GALNT16: variants seen among roughly 807,000 people sequenced by gnomAD.
GALNT16 encodes the protein polypeptide N-acetylgalactosaminyltransferase 16.
A neutral mutation model predicts 76.1 loss-of-function variants in GALNT16; 40 were observed. That is an observed-to-expected ratio of 0.53 (90% CI 0.41 to 0.68). The LOEUF is 0.68. Ranked by LOEUF, GALNT16 falls within the 30% of genes least tolerant of loss-of-function variation. GALNT16 has a pLI of 0.00. For missense variants in GALNT16, 621 were observed against 731.9 expected, an observed-to-expected ratio of 0.85 and a Z score of 1.75; for synonymous variants, 276 against 285.2, an observed-to-expected ratio of 0.97 and a Z score of 0.32.
chr14:69,278,973 C>T (rs1056810487), intron 1 of GALNT16, among the ~76,000 whole-genome samples: 3 of 151,620 alleles, frequency 2.0e-5, no homozygotes, highest in African/African-American at 7.3e-5. Flanking sequence ...CTCTTGTCGC[C>T]GAGGCTGGGG....
chr14:69,303,468 A>G (rs372772274), intron 1 of GALNT16, among the ~76,000 whole-genome samples: 32 of 152,210 alleles, frequency 2.1e-4, no homozygotes, highest in East Asian at 1.5e-3. Context: ...AAGTAGCAGT[A>G]AGCTGTACAC....
chr14:69,315,694 T>C (rs1056722288), intron 1 of GALNT16, among the ~76,000 whole-genome samples: 2 of 152,144 alleles, frequency 1.3e-5, no homozygotes, highest in African/African-American at 4.8e-5. Flanking sequence ...GGGTTTTGGG[T>C]TTGACTTTGT....
At chr14:69,369,593 T>G in the GALNT16 span, among the ~76,000 whole-genome samples, 71,142 of 151,970 alleles carry the variant, frequency 0.47, 16,838 homozygotes, top group Middle Eastern at 0.59. Context: ...TTTTCTTCAA[T>G]AGGAACATCC....
chr14:69,292,689 A>T (rs2044702145), intron 1 of GALNT16, among the ~76,000 whole-genome samples: 1 of 152,218 alleles, frequency 6.6e-6, no homozygotes, highest in East Asian at 1.9e-4. Flanking sequence ...AACCTTTCTT[A>T]TACCAAAGTC....
intron 1 of GALNT16, among the ~76,000 whole-genome samples, chr14:69,265,115 C>G (rs558815529): frequency 3.9e-4 from 60 of 152,134 alleles, no homozygotes; most frequent in African/African-American, 1.4e-3. Flanking sequence ...TGCGCCCAGC[C>G]AAAAATGTTC....
intron 12 of GALNT16, among the ~76,000 whole-genome samples, chr14:69,344,489 G>A (rs2045536365): frequency 6.6e-6 from 1 of 152,244 alleles, no homozygotes; most frequent in African/African-American, 2.4e-5. Context: ...AGAGAAGGAA[G>A]TGGATGCAGA....
At chr14:69,306,459 TAA>T (rs1357535196) in intron 1 of GALNT16, among the ~76,000 whole-genome samples, 1 of 152,220 alleles carries the variant, frequency 6.6e-6, no homozygotes, top group Non-Finnish European at 1.5e-5. Flanking sequence ...AATAATGTAT[TAA>T]AGAGTACCTA....
chr14:69,360,915 C>T (rs541121950), downstream of GALNT16, among the ~76,000 whole-genome samples: 73 of 152,310 alleles, frequency 4.8e-4, no homozygotes, highest in African/African-American at 1.7e-3. Context: ...CTGGGTGCTG[C>T]GGGCCCTGCC....
chr14:69,282,601 C>G (rs888705194), intron 1 of GALNT16, among the ~76,000 whole-genome samples: 4 of 151,562 alleles, frequency 2.6e-5, no homozygotes, highest in African/African-American at 7.3e-5. Flanking sequence ...TGTATCTGCT[C>G]TAAGTGCAGG....
downstream of GALNT16, among the ~76,000 whole-genome samples, chr14:69,360,216 G>A (rs2045715798): frequency 6.6e-6 from 1 of 151,904 alleles, no homozygotes; most frequent in African/African-American, 2.4e-5. Context: ...AGCCAGGTGT[G>A]GTGGTGCATG....
chr14:69,329,498 A>T (rs1027138158), intron 6 of GALNT16, among the ~76,000 whole-genome samples: 25 of 152,376 alleles, frequency 1.6e-4, no homozygotes, highest in African/African-American at 5.3e-4. Context: ...ATGCCACTTC[A>T]CACCTACCAG....
the GALNT16 span, chr14:69,380,719 C>CA: frequency 1.3e-6 from 1 of 778,446 alleles, no homozygotes; most frequent in South Asian, 1.5e-5. Context: ...TATAACTGCC[C>CA]AATGATGGCA....
intron 1 of GALNT16, among the ~76,000 whole-genome samples, chr14:69,269,553 A>T (rs2044380360): frequency 1.6e-5 from 2 of 128,498 alleles, no homozygotes; most frequent in African/African-American, 6.2e-5. Context: ...GTGTGATGTG[A>T]GGTTTGTGTG....
At chr14:69,270,234 G>T (rs2044391219) in intron 1 of GALNT16, among the ~76,000 whole-genome samples, 1 of 152,146 alleles carries the variant, frequency 6.6e-6, no homozygotes, top group Non-Finnish European at 1.5e-5. Flanking sequence ...TGCTGGGCAG[G>T]AGTGGGCACT....
chr14:69,303,974 G>A (rs1566872534), intron 1 of GALNT16, among the ~76,000 whole-genome samples: 1 of 152,042 alleles, frequency 6.6e-6, no homozygotes, highest in African/African-American at 2.4e-5. Flanking sequence ...ATCTTTCCAT[G>A]TTAAAAAATG....
chr14:69,300,691 C>G (rs944816875), intron 1 of GALNT16, among the ~76,000 whole-genome samples: 1 of 152,196 alleles, frequency 6.6e-6, no homozygotes, highest in Non-Finnish European at 1.5e-5. Flanking sequence ...GTCCCCTGTG[C>G]AATGACAGTT....
chr14:69,265,539 G>A (rs1334904445), intron 1 of GALNT16, among the ~76,000 whole-genome samples: 1 of 152,224 alleles, frequency 6.6e-6, no homozygotes, highest in East Asian at 1.9e-4. Flanking sequence ...TGTAATGGAG[G>A]AAGCTTCTCT....
chr14:69,337,067 T>G (rs1168902722), intron 9 of GALNT16, among the ~76,000 whole-genome samples: 1 of 152,214 alleles, frequency 6.6e-6, no homozygotes, highest in East Asian at 1.9e-4. Context: ...TTACTTGCAT[T>G]TTTTTGCCCC....
At chr14:69,293,712 A>G (rs921954841) in intron 1 of GALNT16, among the ~76,000 whole-genome samples, 1 of 152,182 alleles carries the variant, frequency 6.6e-6, no homozygotes, top group African/African-American at 2.4e-5. Flanking sequence ...GATGATGATC[A>G]TAGGAGAGTT....
Sources: allele counts gnomAD v4.1 joint callset (sites outside exome capture counted in the v4.1 genomes callset), GRCh38; gene constraint gnomAD v4.1.1; transcripts MANE v1.5; gene names NCBI Gene and HGNC (gene_info 2026-07-23, HGNC 2026-07-21).